The following ARMC9 variants were observed in gnomAD, a reference collection of about 807,000 sequenced individuals.
ARMC9 encodes lisH domain-containing protein ARMC9.
Under a neutral mutation model 107.0 loss-of-function variants are expected in ARMC9, and 94 were observed. That is an observed-to-expected ratio of 0.88 (90% CI 0.74 to 1.04). The LOEUF is 1.04. Among genes scored for constraint, ARMC9 ranks in the 50% least tolerant of loss-of-function variants. The probability of loss-of-function intolerance (pLI) is 0.00; values close to 1 mark genes in which losing one functional copy is unlikely to be tolerated. For missense variants in ARMC9, 942 were observed against 1,030.1 expected (o/e 0.91, Z 1.17); for synonymous variants, 380 against 396.9 (o/e 0.96, Z 0.51).
chr2:231,214,539 G>C (rs1447376074), intron 3 of ARMC9, among the ~76,000 whole-genome samples: 2 of 152,216 alleles, frequency 1.3e-5, no homozygotes, highest in Non-Finnish European at 2.9e-5. Context: ...ACGTGTCCAA[G>C]AGTTCTCTGG....
rs186163441 is a variant in ARMC9 at position 231,311,330 on chromosome 2, C to T, written c.1773+15077C>T. Among the ~76,000 whole-genome samples the T allele has an allele frequency of 2.0e-5, 3 of 151,692 alleles. No homozygotes were observed. In the East Asian group the frequency reaches 5.8e-4, roughly 30 times the overall value. On this transcript the variant is annotated intron_variant, in intron 19 of 24. Coordinates refer to ENST00000611582, the MANE Select transcript of ARMC9 (RefSeq NM_001352754.2). Reference sequence around the variant, plus strand: ...GCTGCTATTCACACTACCTTTTATTCTGTGTTAGTGAATTGTAAGTGCTGC... The same window carrying T: ...GCTGCTATTCACACTACCTTTTATTTTGTGTTAGTGAATTGTAAGTGCTGC...
intron 17 of ARMC9, 55 bp from the exon 18 acceptor site, chr2:231,291,298 G>A (rs2040970415): frequency 1.5e-5 from 22 of 1,431,288 alleles, no homozygotes; most frequent in Admixed American, 8.4e-5. Flanking sequence ...TCATTGAAAA[G>A]TAGTTTCCCT....
rs541488940 is a variant in ARMC9, at chr2:231,305,923, A to G, written c.1773+9670A>G. 2.0e-5 allele frequency among the ~76,000 whole-genome samples: 3 copies of G among 152,344 alleles called. No individual in the cohort carries two copies. The South Asian group carries it at 6.2e-4, about 32-fold the overall frequency. On this transcript the variant is annotated intron_variant, in intron 19 of 24. Coordinates refer to ENST00000611582, the MANE Select transcript of ARMC9 (RefSeq NM_001352754.2). Reference sequence around the variant, plus strand: ...CACTCATCAATATTTAAACAAACTCATCTTGTTTAAATAGTCAAATTCTTT... The same window carrying G: ...CACTCATCAATATTTAAACAAACTCGTCTTGTTTAAATAGTCAAATTCTTT...
chr2:231,268,504 C>T (rs936481743), intron 12 of ARMC9, among the ~76,000 whole-genome samples: 1 of 152,098 alleles, frequency 6.6e-6, no homozygotes, highest in Non-Finnish European at 1.5e-5. Context: ...TTATTGATTC[C>T]TTTCACCTCT....
chr2:231,286,394 C>T (rs1458013689), intron 17 of ARMC9, among the ~76,000 whole-genome samples: 2 of 152,184 alleles, frequency 1.3e-5, no homozygotes, highest in Admixed American at 6.5e-5. Context: ...GGATTACAGG[C>T]GTGAGCCACC....
intron 23 of ARMC9, among the ~76,000 whole-genome samples, chr2:231,365,227 A>G (rs757980116): frequency 3.3e-5 from 5 of 152,178 alleles, no homozygotes; most frequent in Non-Finnish European, 7.4e-5. Flanking sequence ...GCAGAAACGC[A>G]TGGGACTGAG....
intron 19 of ARMC9, among the ~76,000 whole-genome samples, chr2:231,302,214 C>T (rs979849500): frequency 5.3e-5 from 8 of 151,920 alleles, no homozygotes; most frequent in Non-Finnish European, 1.0e-4. Context: ...GAGCCATTTA[C>T]ATTCTTAAAA....
intron 12 of ARMC9, among the ~76,000 whole-genome samples, chr2:231,264,541 A>G (rs570317015): frequency 6.6e-6 from 1 of 150,778 alleles, no homozygotes; most frequent in African/African-American, 2.4e-5. Flanking sequence ...CTAGTCGCCC[A>G]GGCTGGAGTG....
At chr2:231,365,057 A>C (rs1438199075) in intron 23 of ARMC9, among the ~76,000 whole-genome samples, 1 of 152,192 alleles carries the variant, frequency 6.6e-6, no homozygotes, top group Non-Finnish European at 1.5e-5. Flanking sequence ...CCATCCTCCC[A>C]GCATGGTGAG....
chr2:231,202,003 C>CT lies in ARMC9; in HGVS notation c.-42+3321dup, dbSNP rs5839391. On this transcript the variant is annotated intron_variant, in intron 1 of 24. Transcript: ENST00000611582. ...AGCCGATGACCTTTTTTCTTTCTTTCTTTTTTTTTTTTTTTTGACAGAGTC... is the reference window on the plus strand; with the variant it reads ...AGCCGATGACCTTTTTTCTTTCTTTCTTTTTTTTTTTTTTTTTGACAGAGTC... 1.3e-3 allele frequency among the ~76,000 whole-genome samples: 179 copies of CT among 135,130 alleles called. 1 individual carries two copies. Among genetic ancestry groups the CT allele is most frequent in the South Asian group, 3.2e-3 (14 of 4,326 alleles). 88.7% of individuals were successfully genotyped at this position (135,130 alleles called of 152,430 possible). A position where few individuals can be genotyped will look rare whatever the true frequency, so the allele number is the denominator to read the frequency against.
chr2:231,292,290 C>T (rs758178980), intron 18 of ARMC9, among the ~76,000 whole-genome samples: 2 of 152,042 alleles, frequency 1.3e-5, no homozygotes, highest in African/African-American at 2.4e-5. Flanking sequence ...TTACAGAAAC[C>T]CTCCCCTAAC....
At chr2:231,342,273 C>T (rs1320067413) in intron 20 of ARMC9, among the ~76,000 whole-genome samples, 3 of 152,242 alleles carry the variant, frequency 2.0e-5, no homozygotes, top group Admixed American at 6.5e-5. Flanking sequence ...GCCCGCAGGC[C>T]AGACGCAGTT....
chr2:231,231,347 T>A (rs2035193733), intron 7 of ARMC9, among the ~76,000 whole-genome samples: 2 of 152,232 alleles, frequency 1.3e-5, no homozygotes, highest in Non-Finnish European at 2.9e-5. Flanking sequence ...AGTTTTAACT[T>A]ATCTAATTTT....
At chr2:231,239,402 G>A (rs531772057) in intron 8 of ARMC9, among the ~76,000 whole-genome samples, 8 of 152,290 alleles carry the variant, frequency 5.3e-5, no homozygotes, top group East Asian at 1.9e-4. Flanking sequence ...GATTAAAAGC[G>A]TTTCCATCAC....
chr2:231,332,141 G>A (rs1053467011), intron 20 of ARMC9, among the ~76,000 whole-genome samples: 3 of 152,344 alleles, frequency 2.0e-5, no homozygotes, highest in East Asian at 1.9e-4. Flanking sequence ...TATGCCAGGG[G>A]CCTTTGGAAC....
intron 5 of ARMC9, among the ~76,000 whole-genome samples, chr2:231,221,316 T>A (rs946438560): frequency 2.0e-5 from 3 of 152,164 alleles, no homozygotes; most frequent in African/African-American, 7.2e-5. Context: ...TGGATTAAGG[T>A]CATATTGGAT....
intron 12 of ARMC9, among the ~76,000 whole-genome samples, chr2:231,262,633 T>C (rs908493330): frequency 2.0e-5 from 3 of 152,176 alleles, no homozygotes; most frequent in South Asian, 2.1e-4. Context: ...CGTTTTTCCT[T>C]TTCTCAAATT....
chr2:231,215,635 G>C (rs2033414263), intron 4 of ARMC9, among the ~76,000 whole-genome samples: 1 of 152,258 alleles, frequency 6.6e-6, no homozygotes, highest in Non-Finnish European at 1.5e-5. Flanking sequence ...ATGTGAAGCT[G>C]CTGCGGTGGC....
chr2:231,280,029 G>A (rs1050328639), intron 16 of ARMC9, among the ~76,000 whole-genome samples: 4 of 152,150 alleles, frequency 2.6e-5, no homozygotes, highest in Non-Finnish European at 4.4e-5. Flanking sequence ...TGAAACCAGT[G>A]GGAAACATAT....
Sources: gnomAD v4.1 joint callset for allele counts (sites outside exome capture counted in the v4.1 genomes callset) on GRCh38, gnomAD v4.1.1 for gene constraint, MANE v1.5 for transcripts, NCBI Gene and HGNC (gene_info 2026-07-23, HGNC 2026-07-21) for gene names.